Variants in NELL1 observed in about 807,000 individuals in gnomAD.
NELL1 encodes the protein protein kinase C-binding protein NELL1.
A neutral mutation model predicts 107.4 loss-of-function variants in NELL1; 76 were observed. The observed-to-expected ratio is 0.71, with a 90% CI of 0.59 to 0.86. NELL1 has a LOEUF of 0.86. NELL1 is among the 40% of genes least tolerant of loss of function. NELL1 has a pLI of 0.00. For synonymous variants in NELL1, 353 were observed against 341.2 expected (o/e 1.03, Z -0.38); for missense variants, 1,024 against 1,005.5 (o/e 1.02, Z -0.25).
chr11:21,425,904 A>G (rs1270501270), intron 15 of NELL1, among the ~76,000 whole-genome samples: 1 of 152,190 alleles, frequency 6.6e-6, no homozygotes, highest in Non-Finnish European at 1.5e-5. Context: ...AATTAGAAAA[A>G]TCAAGAAACG....
intron 17 of NELL1, among the ~76,000 whole-genome samples, chr11:21,560,893 T>C (rs1356994775): frequency 1.4e-5 from 1 of 71,864 alleles, no homozygotes; most frequent in Non-Finnish European, 4.5e-5. Context: ...TCTTAGAAAT[T>C]GATGTCTTCT....
chr11:21,574,799 T>G (rs371124810), intron 19 of NELL1, among the ~76,000 whole-genome samples, 173 bp from the exon 20 acceptor site: 4 of 151,874 alleles, frequency 2.6e-5, no homozygotes, highest in African/African-American at 9.7e-5. Flanking sequence ...CAGTCCTTCC[T>G]TTCTTTCTAC....
chr11:21,074,742 A>C (rs2134384673), intron 12 of NELL1, among the ~76,000 whole-genome samples: 1 of 152,204 alleles, frequency 6.6e-6, no homozygotes, highest in Admixed American at 6.6e-5. Context: ...CCATACAGCA[A>C]CTTTTTTTAA....
intron 15 of NELL1, among the ~76,000 whole-genome samples, chr11:21,490,049 A>G (rs1403599285): frequency 6.6e-6 from 1 of 152,042 alleles, no homozygotes; most frequent in East Asian, 1.9e-4. Context: ...AAAAACCTAA[A>G]GACACCACAA....
chr11:21,285,566 G>T (rs75335121), intron 14 of NELL1, among the ~76,000 whole-genome samples: 4,529 of 152,128 alleles, frequency 0.03, 240 homozygotes, highest in African/African-American at 0.1. Flanking sequence ...CCAGTGTTCT[G>T]TTTCACACAT....
intron 2 of NELL1, among the ~76,000 whole-genome samples, chr11:20,714,515 GT>G (rs1168449382): frequency 3.2e-5 from 3 of 93,212 alleles, no homozygotes; most frequent in Non-Finnish European, 6.5e-5. Flanking sequence ...GCCCTGATGT[GT>G]TTTTTTATTT....
At chr11:21,179,237 AAG>A (rs1856774612) in intron 13 of NELL1, among the ~76,000 whole-genome samples, 1 of 151,912 alleles carries the variant, frequency 6.6e-6, no homozygotes. Flanking sequence ...GAAAGTAGTG[AAG>A]AGAGAATATT....
chr11:20,755,903 T>G lies in NELL1; in HGVS notation c.185-27777T>G, dbSNP rs1413198990. On this transcript the variant is annotated intron_variant, in intron 2 of 19. Coordinates refer to ENST00000357134, the MANE Select transcript of NELL1 (RefSeq NM_006157.5). ...TTTTTTTTTTTTTTTTTTTTTTTTT[T>G]TTTTTATGAGACGGAGTCTCGCTCT... is the stretch of plus-strand genomic sequence containing the variant. Among the ~76,000 whole-genome samples, 292 of 72,508 alleles carry G rather than the reference T, an allele frequency of 4.0e-3. 8 individuals are homozygous for G. The highest frequency in any genetic ancestry group is 0.014 in the African/African-American group (276 of 20,202). The allele number at this position is 72,508 out of a possible 152,430, so 47.6% of individuals were successfully genotyped here. A position where few individuals can be genotyped will look rare whatever the true frequency, so the allele number is the denominator to read the frequency against.
chr11:21,432,928 C>T (rs747185469), intron 15 of NELL1, among the ~76,000 whole-genome samples: 9 of 152,120 alleles, frequency 5.9e-5, no homozygotes, highest in Non-Finnish European at 1.0e-4. Context: ...CTGTATTCAG[C>T]CTACAGTGGT....
At chr11:21,291,700 C>T (rs1849266311) in intron 14 of NELL1, among the ~76,000 whole-genome samples, 2 of 152,096 alleles carry the variant, frequency 1.3e-5, no homozygotes, top group African/African-American at 4.8e-5. Context: ...AAACCAAATC[C>T]AGCAGCACAT....
rs186524589 is a variant in NELL1, at chr11:21,244,200, C to T, written c.1549+14746C>T. Among the ~76,000 whole-genome samples, 14 of 152,204 alleles carry T rather than the reference C, an allele frequency of 9.2e-5. No individual in the cohort carries two copies. In the East Asian group the frequency reaches 2.7e-3, roughly 29 times the overall value. The stretch of plus-strand genomic sequence containing the variant: ...TAGGAGAAAAAAGAACACAACAAAT[C>T]TATAGCATTTACTTTCGTTGCATTT... On this transcript the variant is annotated intron_variant, in intron 14 of 19. Transcript: ENST00000357134.
intron 2 of NELL1, among the ~76,000 whole-genome samples, chr11:20,738,956 A>C (rs1457435178): frequency 1.3e-5 from 2 of 152,350 alleles, no homozygotes; most frequent in African/African-American, 4.8e-5. Context: ...GCAGAGATAC[A>C]AGTAGGGCTC....
chr11:21,240,069 T>C (rs369836412), intron 14 of NELL1, among the ~76,000 whole-genome samples: 1 of 152,146 alleles, frequency 6.6e-6, no homozygotes. Flanking sequence ...CAAAAGCTAT[T>C]ACTTGGGTAC....
At chr11:20,777,932 G>T (rs1267227265) in intron 2 of NELL1, among the ~76,000 whole-genome samples, 1 of 152,138 alleles carries the variant, frequency 6.6e-6, no homozygotes, top group Non-Finnish European at 1.5e-5. Context: ...TGCTAATGTG[G>T]TACCCCTTGG....
At chr11:21,016,931 A>G (rs570629116) in intron 12 of NELL1, among the ~76,000 whole-genome samples, 4 of 152,150 alleles carry the variant, frequency 2.6e-5, no homozygotes, top group Admixed American at 2.0e-4. Flanking sequence ...TTTATGAGCT[A>G]TGTTACCCTG....
chr11:20,741,306 C>T (rs1251122216), intron 2 of NELL1, among the ~76,000 whole-genome samples: 2 of 152,064 alleles, frequency 1.3e-5, no homozygotes. Flanking sequence ...ATTTAGCTTT[C>T]CCTCCTAGAC....
intron 14 of NELL1, among the ~76,000 whole-genome samples, chr11:21,329,623 A>G (rs1188670506): frequency 6.6e-6 from 1 of 152,048 alleles, no homozygotes; most frequent in Non-Finnish European, 1.5e-5. Context: ...TTTTAAACCC[A>G]CTTTTTAAAG....
At chr11:21,225,825 C>G (rs1239991029) in intron 13 of NELL1, among the ~76,000 whole-genome samples, 2 of 152,170 alleles carry the variant, frequency 1.3e-5, no homozygotes, top group African/African-American at 4.8e-5. Context: ...CTGTAACATG[C>G]TGTCATAAAT....
intron 10 of NELL1, among the ~76,000 whole-genome samples, chr11:20,938,352 G>A (rs1412417179): frequency 1.3e-5 from 2 of 152,318 alleles, no homozygotes; most frequent in Non-Finnish European, 2.9e-5. Context: ...TTAAGCAAAT[G>A]CTGTATGACA....
Sources: allele counts gnomAD v4.1 joint callset (sites outside exome capture counted in the v4.1 genomes callset), GRCh38; gene constraint gnomAD v4.1.1; transcripts MANE v1.5; gene names NCBI Gene and HGNC (gene_info 2026-07-23, HGNC 2026-07-21).